The following ATP2C2 variants were observed in gnomAD, a reference collection of about 807,000 sequenced individuals.
The protein encoded by ATP2C2 is calcium-transporting ATPase type 2C member 2.
In ATP2C2, 171 loss-of-function variants were observed where a neutral mutation model predicts 110.8. The observed-to-expected ratio is 1.54, with a 90% CI of 1.36 to 1.75. ATP2C2 has a LOEUF of 1.75. ATP2C2 is among the 40% of genes most tolerant of loss of function. The pLI, the probability that ATP2C2 is intolerant of heterozygous loss-of-function variation, is 0.00. For synonymous variants in ATP2C2, 804 were observed against 508.4 expected, an observed-to-expected ratio of 1.58 and a Z score of -7.82; for missense variants, 1,963 against 1,235.0, an observed-to-expected ratio of 1.59 and a Z score of -8.84.
At chr16:84,419,740 G>A (rs1019730661) in intron 7 of ATP2C2, among the ~76,000 whole-genome samples, 2 of 152,126 alleles carry the variant, frequency 1.3e-5, no homozygotes, top group African/African-American at 4.8e-5. Flanking sequence ...CCTGGGCTGG[G>A]TACCGAGGAC....
chr16:84,422,623 A>T lies in ATP2C2; in HGVS notation c.775-6A>T, dbSNP rs527830648. ...GATTTCATACTTCTCTCTCTCCTGG[A>T]CACAGGGGGTCGTGATTGGAACAGG... On this transcript the variant is annotated splice_region_variant and splice_polypyrimidine_tract_variant and intron_variant, in intron 8 of 26. Coordinates refer to ENST00000262429, the MANE Select transcript of ATP2C2 (RefSeq NM_014861.4). 6.2e-7 allele frequency: 1 copy of T among 1,612,880 alleles called. No homozygotes were observed. The highest frequency in any genetic ancestry group is 1.3e-5 in the African/African-American group (1 of 74,930).
intron 25 of ATP2C2, 51 bp downstream of exon 25, chr16:84,461,863 C>CAGCAGCG: frequency 1.9e-6 from 3 of 1,608,432 alleles, no homozygotes; most frequent in South Asian, 2.2e-5. Context: ...GTGTTCTCGA[C>CAGCAGCG]AGCAGCGCCC....
At chr16:84,381,829 T>C (rs960687164) in intron 1 of ATP2C2, among the ~76,000 whole-genome samples, 1 of 152,178 alleles carries the variant, frequency 6.6e-6, no homozygotes, top group African/African-American at 2.4e-5. Flanking sequence ...CCACATTGTT[T>C]TGAATCCTTA....
chr16:84,459,024 C>A, intron 21 of ATP2C2, 96 bp from the exon 22 acceptor site: 1 of 1,333,488 alleles, frequency 7.5e-7, no homozygotes, highest in Non-Finnish European at 1.1e-6. Flanking sequence ...TAACATCAAT[C>A]TGGGCGAGTC....
chr16:84,401,755 A>G (rs7191897), intron 2 of ATP2C2, among the ~76,000 whole-genome samples: 11,664 of 152,230 alleles, frequency 0.077, 499 homozygotes, highest in African/African-American at 0.089. Context: ...ATTTAAAGTC[A>G]GGTAATATGA....
intron 1 of ATP2C2, among the ~76,000 whole-genome samples, chr16:84,397,662 A>AAAAAAAAAAAAAAAAAAAAAAAAAC (rs1567694759): frequency 3.4e-5 from 5 of 146,720 alleles, no homozygotes; most frequent in African/African-American, 1.3e-4. Flanking sequence ...TGACAAAAAA[A>AAAAAAAAAAAAAAAAAAAAAAAAAC]AAAAAAAAAA....
intron 1 of ATP2C2, among the ~76,000 whole-genome samples, chr16:84,383,765 G>C (rs1192197204): frequency 2.7e-5 from 4 of 146,006 alleles, no homozygotes; most frequent in African/African-American, 7.4e-5. Context: ...GTGTGTTGGG[G>C]GTGGGGGTGT....
Position 84,455,625 on chromosome 16 carries a change from G to A in ATP2C2, c.2147+641G>A, listed in dbSNP as rs76574895. Among the ~76,000 whole-genome samples, 24 of 152,104 alleles carry A rather than the reference G, an allele frequency of 1.6e-4. No individual in the cohort carries two copies. The East Asian group carries it at 4.4e-3, about 28-fold the overall frequency. ...AGCTAATCGCAGTGGTTAGTTGGGGGTGAGGGAAAACTTTTTAAGCCTGAT... is the reference window on the plus strand; with the variant it reads ...AGCTAATCGCAGTGGTTAGTTGGGGATGAGGGAAAACTTTTTAAGCCTGAT... On this transcript the variant is annotated intron_variant, in intron 21 of 26. Coordinates refer to ENST00000262429, the MANE Select transcript of ATP2C2 (RefSeq NM_014861.4).
At chr16:84,377,152 G>A (rs1398162659) in intron 1 of ATP2C2, among the ~76,000 whole-genome samples, 2 of 152,120 alleles carry the variant, frequency 1.3e-5, no homozygotes, top group African/African-American at 2.4e-5. Flanking sequence ...TGGAAGCCGT[G>A]TGCTAAGTCT....
chr16:84,433,544 T>G (rs908060158), intron 11 of ATP2C2, among the ~76,000 whole-genome samples: 4 of 151,968 alleles, frequency 2.6e-5, no homozygotes, highest in African/African-American at 9.7e-5. Flanking sequence ...TCCCAGCTAC[T>G]CAGGGGCTGA....
intron 6 of ATP2C2, 51 bp from the exon 7 acceptor site, chr16:84,415,432 A>T (rs747455857): frequency 1.3e-6 from 2 of 1,497,904 alleles, no homozygotes; most frequent in African/African-American, 2.8e-5. Flanking sequence ...CAAGGTGCAT[A>T]AAAACAAATG....
At chr16:84,462,197 G>A in intron 26 of ATP2C2, 68 bp downstream of exon 26, 7 of 1,564,982 alleles carry the variant, frequency 4.5e-6, no homozygotes, top group Non-Finnish European at 6.1e-6. Flanking sequence ...GCTGCCAGGT[G>A]GGGAGCTGCA....
intron 1 of ATP2C2, among the ~76,000 whole-genome samples, chr16:84,383,760 TTGG>T (rs1910726422): frequency 3.4e-5 from 5 of 146,244 alleles, no homozygotes; most frequent in Non-Finnish European, 6.1e-5. Context: ...TATGTGTGTG[TTGG>T]GGGTGGGGGT....
rs1305737124 is a variant in ATP2C2, at chr16:84,453,183, G to A, written c.1877G>A (p.Gly626Glu). The change falls in exon 19 of 27, where the codon GGG (glycine) becomes GAG (glutamate). Residue 626 changes from glycine to glutamate, a missense_variant. Gly to Glu is a moderately conservative substitution (Grantham distance 98, BLOSUM62 -2). Coordinates refer to ENST00000262429, the MANE Select transcript of ATP2C2 (RefSeq NM_014861.4). ...AACGGGAAGCTGCAAGCCATGTCCG[G>A]GGAGGAGGTGGACAGCGTGGAGAAG... is the stretch of plus-strand genomic sequence containing the variant. ...LCNGKLQAMS[G>E]EEVDSVEKGE... 1.9e-6 allele frequency: 3 copies of A among 1,613,994 alleles called. No individual in the cohort carries two copies.
intron 1 of ATP2C2, among the ~76,000 whole-genome samples, chr16:84,373,791 T>C (rs2151393569): frequency 6.6e-6 from 1 of 152,350 alleles, no homozygotes; most frequent in South Asian, 2.1e-4. Flanking sequence ...TGCTCACTAC[T>C]TATCTAGTTT....
intron 17 of ATP2C2, among the ~76,000 whole-genome samples, chr16:84,450,678 G>T (rs924376678): frequency 6.6e-6 from 1 of 152,088 alleles, no homozygotes; most frequent in African/African-American, 2.4e-5. Context: ...CAGTGAGGGG[G>T]CAAGGATGTT....
chr16:84,384,814 C>T (rs1294809307), intron 1 of ATP2C2, among the ~76,000 whole-genome samples: 2 of 152,170 alleles, frequency 1.3e-5, no homozygotes, highest in Non-Finnish European at 2.9e-5. Context: ...CTTTGGAAGG[C>T]CAAGGTGGGT....
intron 24 of ATP2C2, chr16:84,461,093 TTC>T: frequency 2.5e-6 from 1 of 405,106 alleles, no homozygotes; most frequent in East Asian, 4.3e-5. Context: ...CTGCCCCCTG[TTC>T]CCTTGTCACC....
At chr16:84,388,439 G>C (rs753087026) in intron 1 of ATP2C2, among the ~76,000 whole-genome samples, 2 of 152,348 alleles carry the variant, frequency 1.3e-5, no homozygotes, top group South Asian at 2.1e-4. Flanking sequence ...TGAGGTAGTA[G>C]GCCCAGGGTA....
Sources: gnomAD v4.1 joint callset for allele counts (sites outside exome capture counted in the v4.1 genomes callset) on GRCh38, gnomAD v4.1.1 for gene constraint, MANE v1.5 for transcripts, NCBI Gene and HGNC (gene_info 2026-07-23, HGNC 2026-07-21) for gene names.